CD109: variants seen among roughly 807,000 people sequenced by gnomAD.
The protein encoded by CD109 is CD109 molecule.
CD109 carries 149 observed loss-of-function variants against 165.8 expected under a neutral mutation model. The ratio of observed to expected loss-of-function variants is 0.90; its 90% CI spans 0.79 to 1.03. The LOEUF (loss-of-function observed/expected upper bound fraction) is 1.03, where lower values mean the gene tolerates loss of function less well. Among genes scored for constraint, CD109 ranks in the 50% least tolerant of loss-of-function variants. The pLI, the probability that CD109 is intolerant of heterozygous loss-of-function variation, is 0.00. For missense variants in CD109, 1,712 were observed against 1,677.8 expected (o/e 1.02, Z -0.36); for synonymous variants, 585 against 592.1 (o/e 0.99, Z 0.18).
At chr6:73,717,858 A>G (rs934719136) in intron 2 of CD109, among the ~76,000 whole-genome samples, 2 of 151,568 alleles carry the variant, frequency 1.3e-5, no homozygotes, top group African/African-American at 2.4e-5. Context: ...TGACCTCGTG[A>G]TCCGCCCACC....
chr6:73,722,953 C>G (rs1772014789), intron 2 of CD109, among the ~76,000 whole-genome samples: 1 of 152,180 alleles, frequency 6.6e-6, no homozygotes, highest in African/African-American at 2.4e-5. Flanking sequence ...CTTAAAATAG[C>G]AACAAGGGCA....
chr6:73,683,359 A>G, the CD109 span, among the ~76,000 whole-genome samples: 1 of 152,148 alleles, frequency 6.6e-6, no homozygotes, highest in African/African-American at 2.4e-5. Flanking sequence ...CTCTTTGCCA[A>G]AACATAACGA....
chr6:73,770,084 A>G (rs1773980998), intron 14 of CD109, among the ~76,000 whole-genome samples: 1 of 152,104 alleles, frequency 6.6e-6, no homozygotes, highest in South Asian at 2.1e-4. Flanking sequence ...TGTGTTTGCT[A>G]ATTAGTACTT....
At chr6:73,687,226 C>T in the CD109 span, among the ~76,000 whole-genome samples, 6 of 152,134 alleles carry the variant, frequency 3.9e-5, no homozygotes, top group South Asian at 4.1e-4. Context: ...GATCAGTTCA[C>T]GTAGGAAAGG....
intron 5 of CD109, among the ~76,000 whole-genome samples, chr6:73,743,829 A>C (rs146425801): frequency 1.3e-5 from 2 of 152,360 alleles, no homozygotes; most frequent in South Asian, 4.1e-4. Flanking sequence ...GTCTTTGCTT[A>C]TAAGAAGAAT....
rs1309134387 is a variant in CD109, at chr6:73,823,697, T to C, written c.*64T>C. On this transcript the variant is annotated 3_prime_UTR_variant, in exon 33 of 33. Transcript: ENST00000287097. Reference sequence around the variant, plus strand: ...AGTAGTCACATGTGATTGTTTTGTTTTCGTAGAAGAATACTGCTTCTATTT... The same window carrying C: ...AGTAGTCACATGTGATTGTTTTGTTCTCGTAGAAGAATACTGCTTCTATTT... The C allele has an allele frequency of 1.4e-6, 2 of 1,435,294 alleles. No homozygotes were observed. The highest frequency in any genetic ancestry group is 1.9e-6 in the Non-Finnish European group (2 of 1,055,588). The allele number at this position is 1,435,294 out of a possible 1,614,324, so 88.9% of individuals were successfully genotyped here. A position where few individuals can be genotyped will look rare whatever the true frequency, so the allele number is the denominator to read the frequency against.
At chr6:73,697,693 T>G in intron 2 of CD109, 121 bp downstream of exon 2, 2 of 721,194 alleles carry the variant, frequency 2.8e-6, no homozygotes, top group South Asian at 4.4e-5. Context: ...CCTAATATAC[T>G]TTTAATTCTC....
chr6:73,781,609 T>G (rs1452852922), intron 17 of CD109, among the ~76,000 whole-genome samples: 1 of 152,230 alleles, frequency 6.6e-6, no homozygotes, highest in East Asian at 1.9e-4. Flanking sequence ...GCTTTTCTTC[T>G]GATTTGTATC....
chr6:73,720,191 AAGG>A (rs1771895251), intron 2 of CD109, among the ~76,000 whole-genome samples: 1 of 152,212 alleles, frequency 6.6e-6, no homozygotes, highest in South Asian at 2.1e-4. Context: ...ATGTAAAAAG[AAGG>A]AGGTCTTGTC....
At chr6:73,815,178 G>A in intron 30 of CD109, 55 bp downstream of exon 30, 1 of 1,438,272 alleles carries the variant, frequency 7.0e-7, no homozygotes, top group Non-Finnish European at 9.3e-7. Context: ...TAGACTTGAA[G>A]GTTTAATTAT....
chr6:73,702,297 T>G (rs925945441), intron 2 of CD109, among the ~76,000 whole-genome samples: 9 of 152,218 alleles, frequency 5.9e-5, no homozygotes. Context: ...ATTGAGATAT[T>G]AGCTGAAAAA....
At chr6:73,778,918 G>A (rs1774365237) in intron 15 of CD109, among the ~76,000 whole-genome samples, 1 of 151,950 alleles carries the variant, frequency 6.6e-6, no homozygotes, top group Non-Finnish European at 1.5e-5. Flanking sequence ...TTTTATTGAA[G>A]TTAAATATAT....
chr6:73,754,077 C>T (rs1773294124), intron 5 of CD109, among the ~76,000 whole-genome samples: 1 of 152,142 alleles, frequency 6.6e-6, no homozygotes, highest in Non-Finnish European at 1.5e-5. Flanking sequence ...GAAGGGGCAT[C>T]TAATCCACCA....
intron 15 of CD109, among the ~76,000 whole-genome samples, chr6:73,778,385 T>C (rs562414612): frequency 2.6e-5 from 4 of 152,226 alleles, no homozygotes; most frequent in Non-Finnish European, 5.9e-5. Flanking sequence ...TGCCCTTTGT[T>C]TCATTTTTTC....
At chr6:73,748,437 A>G (rs1392092484) in intron 5 of CD109, among the ~76,000 whole-genome samples, 1 of 152,228 alleles carries the variant, frequency 6.6e-6, no homozygotes, top group Non-Finnish European at 1.5e-5. Flanking sequence ...TCCAGATTTC[A>G]TAACTCTCTG....
At chr6:73,738,047 C>G (rs1277687171) in intron 5 of CD109, among the ~76,000 whole-genome samples, 1 of 151,928 alleles carries the variant, frequency 6.6e-6, no homozygotes, top group Admixed American at 6.5e-5. Context: ...CCTCCATTTT[C>G]AAAGGTCATT....
intron 22 of CD109, among the ~76,000 whole-genome samples, chr6:73,788,946 C>T (rs1774808536): frequency 6.6e-6 from 1 of 152,158 alleles, no homozygotes; most frequent in African/African-American, 2.4e-5. Flanking sequence ...CTTTGAGTAG[C>T]AAGGCCTCAC....
At chr6:73,762,543 A>C (rs1773675954) in intron 8 of CD109, 63 bp downstream of exon 8, 1 of 1,175,658 alleles carries the variant, frequency 8.5e-7, no homozygotes, top group Non-Finnish European at 1.2e-6. Flanking sequence ...TCTAGAAATA[A>C]GATTTAGTAC....
chr6:73,756,764 T>C (rs1203648105), intron 6 of CD109, 82 bp downstream of exon 6: 4 of 966,908 alleles, frequency 4.1e-6, no homozygotes, highest in Non-Finnish European at 6.1e-6. Flanking sequence ...AAGAGATGTA[T>C]TATTTGAAGT....
Sources: allele counts gnomAD v4.1 joint callset (sites outside exome capture counted in the v4.1 genomes callset), GRCh38; gene constraint gnomAD v4.1.1; transcripts MANE v1.5; gene names NCBI Gene and HGNC (gene_info 2026-07-23, HGNC 2026-07-21).